The following NBEA variants were observed in gnomAD, a reference collection of about 807,000 sequenced individuals.
NBEA encodes neurobeachin.
In NBEA, 44 loss-of-function variants were observed where a neutral mutation model predicts 343.4. That is an observed-to-expected ratio of 0.13 (90% CI 0.10 to 0.16). The LOEUF (loss-of-function observed/expected upper bound fraction) is 0.16, where lower values mean the gene tolerates loss of function less well. Among genes scored for constraint, NBEA ranks in the 10% least tolerant of loss-of-function variants. The pLI, the probability that NBEA is intolerant of heterozygous loss-of-function variation, is 1.00. For missense variants in NBEA, 2,555 were observed against 3,631.3 expected, an observed-to-expected ratio of 0.70 and a Z score of 7.62; for synonymous variants, 1,175 against 1,238.7, an observed-to-expected ratio of 0.95 and a Z score of 1.08.
At chr13:35,239,973 T>C (rs1358261314) in intron 34 of NBEA, among the ~76,000 whole-genome samples, 2 of 151,450 alleles carry the variant, frequency 1.3e-5, no homozygotes, top group African/African-American at 4.8e-5. Context: ...ATTCCTGTTG[T>C]CCCAAGATGG....
At chr13:34,967,855 CCT>C (rs2059875091) in intron 1 of NBEA, among the ~76,000 whole-genome samples, 1 of 152,012 alleles carries the variant, frequency 6.6e-6, no homozygotes, top group African/African-American at 2.4e-5. Flanking sequence ...TTAGTGCAAA[CCT>C]CTTAAATTAG....
intron 1 of NBEA, among the ~76,000 whole-genome samples, chr13:35,035,193 A>G (rs1259564807): frequency 6.6e-6 from 1 of 151,774 alleles, no homozygotes; most frequent in Non-Finnish European, 1.5e-5. Flanking sequence ...GTTGTATCCC[A>G]TAGGTTTTGG....
intron 36 of NBEA, among the ~76,000 whole-genome samples, chr13:35,313,624 G>T (rs1412499553): frequency 6.6e-6 from 1 of 152,080 alleles, no homozygotes; most frequent in East Asian, 1.9e-4. Context: ...AAAGAAGCTG[G>T]GTGTAGATCC....
intron 41 of NBEA, among the ~76,000 whole-genome samples, chr13:35,541,725 G>GGTGT (rs3075505): frequency 0.13 from 18,807 of 145,104 alleles, 1,226 homozygotes; most frequent in South Asian, 0.22. Flanking sequence ...GGTCTGCATG[G>GGTGT]GTGTGTGTGT....
chr13:35,236,331 T>C (rs2075227057), intron 34 of NBEA, among the ~76,000 whole-genome samples: 2 of 152,244 alleles, frequency 1.3e-5, no homozygotes, highest in Admixed American at 1.3e-4. Flanking sequence ...AAAAAACATT[T>C]CTTAAACATG....
intron 49 of NBEA, among the ~76,000 whole-genome samples, chr13:35,629,786 A>T (rs1041750421): frequency 1.3e-4 from 20 of 152,236 alleles, no homozygotes; most frequent in Admixed American, 1.2e-3. Context: ...ACCCTTGCTT[A>T]TTACATGCCT....
chr13:35,250,565 T>C (rs1325319145), intron 34 of NBEA, among the ~76,000 whole-genome samples: 3 of 152,138 alleles, frequency 2.0e-5, no homozygotes, highest in Admixed American at 6.6e-5. Flanking sequence ...CTAGTGGGAG[T>C]CTAAATTGAT....
chr13:35,310,002 A>C (rs1178109360), intron 36 of NBEA, among the ~76,000 whole-genome samples: 15 of 152,050 alleles, frequency 9.9e-5, no homozygotes, highest in Admixed American at 9.8e-4. Flanking sequence ...TCAATGTCCA[A>C]CTGAAAATGT....
chr13:35,425,391 C>A (rs964674881), intron 38 of NBEA, among the ~76,000 whole-genome samples: 1 of 152,152 alleles, frequency 6.6e-6, no homozygotes, highest in African/African-American at 2.4e-5. Flanking sequence ...TTTCTGCCTT[C>A]ATTTTGTTAT....
At chr13:35,508,762 A>G (rs1486302407) in intron 41 of NBEA, among the ~76,000 whole-genome samples, 2 of 152,164 alleles carry the variant, frequency 1.3e-5, no homozygotes, top group African/African-American at 4.8e-5. Flanking sequence ...CCCAGATGAC[A>G]TCTGATCTAG....
chr13:35,578,997 T>C (rs1048935412), intron 45 of NBEA, among the ~76,000 whole-genome samples: 3 of 152,198 alleles, frequency 2.0e-5, no homozygotes, highest in Admixed American at 6.5e-5. Flanking sequence ...GTGTGGAATT[T>C]TCCACTTATG....
intron 2 of NBEA, among the ~76,000 whole-genome samples, chr13:35,044,598 G>C (rs946805540): frequency 2.3e-5 from 3 of 130,378 alleles, no homozygotes; most frequent in Non-Finnish European, 3.2e-5. Flanking sequence ...AGCAGGCTGT[G>C]TTGTGGTGTG....
chr13:35,055,062 A>G (rs1387188138), intron 6 of NBEA, among the ~76,000 whole-genome samples: 1 of 152,182 alleles, frequency 6.6e-6, no homozygotes, highest in Non-Finnish European at 1.5e-5. Flanking sequence ...ATTTCTGAAA[A>G]TATATATGAA....
chr13:35,349,848 A>G (rs1594308514), intron 37 of NBEA, among the ~76,000 whole-genome samples: 1 of 152,074 alleles, frequency 6.6e-6, no homozygotes, highest in East Asian at 1.9e-4. Flanking sequence ...CAGCTCTGTG[A>G]GTCATACAAG....
At chr13:35,471,391 A>G (rs2075642372) in intron 40 of NBEA, among the ~76,000 whole-genome samples, 1 of 152,232 alleles carries the variant, frequency 6.6e-6, no homozygotes. Flanking sequence ...ATTGTGACGC[A>G]TCTGACTGTA....
intron 47 of NBEA, among the ~76,000 whole-genome samples, chr13:35,601,780 A>AG (rs2082064253): frequency 2.6e-5 from 1 of 39,028 alleles, no homozygotes; most frequent in Admixed American, 3.6e-4. Context: ...AAAAAAAAAA[A>AG]AAAAAGAAAA....
intron 38 of NBEA, among the ~76,000 whole-genome samples, chr13:35,364,936 T>C (rs1190532095): frequency 6.6e-6 from 1 of 151,758 alleles, no homozygotes; most frequent in African/African-American, 2.4e-5. Flanking sequence ...AACAGAGCTT[T>C]AAAAGCCAGT....
chr13:35,125,615 T>A (rs1397655277), intron 17 of NBEA, among the ~76,000 whole-genome samples: 1 of 152,308 alleles, frequency 6.6e-6, no homozygotes, highest in Non-Finnish European at 1.5e-5. Flanking sequence ...TTTACACATA[T>A]GCATGGAAGT....
At chr13:35,054,638 CTTTTCTTTTTT>C (rs1404387393) in intron 6 of NBEA, among the ~76,000 whole-genome samples, 1 of 130,124 alleles carries the variant, frequency 7.7e-6, no homozygotes, top group Non-Finnish European at 1.7e-5. Context: ...TTTCTGTTTT[CTTTTCTTTTTT>C]TTTTTTTTTT....
Sources: gnomAD v4.1 joint callset for allele counts (sites outside exome capture counted in the v4.1 genomes callset) on GRCh38, gnomAD v4.1.1 for gene constraint, MANE v1.5 for transcripts, NCBI Gene and HGNC (gene_info 2026-07-23, HGNC 2026-07-21) for gene names.